The following TFCP2 variants were observed in gnomAD, a reference collection of about 807,000 sequenced individuals.
TFCP2 encodes transcription factor CP2, also known as alpha-globin transcription factor CP2.
In TFCP2, 33 loss-of-function variants were observed where a neutral mutation model predicts 73.4. That is an observed-to-expected ratio of 0.45 (90% confidence interval 0.34 to 0.60). The LOEUF (loss-of-function observed/expected upper bound fraction) is 0.60. Among genes scored for constraint, TFCP2 ranks in the 20% least tolerant of loss-of-function variants. The pLI is 0.01. For missense variants in TFCP2, 352 were observed against 604.0 expected (o/e 0.58, Z 4.37); for synonymous variants, 193 against 211.6 (o/e 0.91, Z 0.76).
intron 14 of TFCP2, 24 bp from the exon 15 acceptor site, chr12:51,095,302 GA>G (rs1566195546): frequency 6.2e-7 from 1 of 1,609,750 alleles, no homozygotes; most frequent in Non-Finnish European, 8.5e-7. Context: ...GAGAGAGAGA[GA>G]ATCATCTTTA....
At chr12:51,148,304 A>G (rs1401807898) in intron 1 of TFCP2, among the ~76,000 whole-genome samples, 1 of 152,224 alleles carries the variant, frequency 6.6e-6, no homozygotes, top group Non-Finnish European at 1.5e-5. Flanking sequence ...AGAGGAAAAG[A>G]AGTCATTATA....
rs1339598839 is a variant in TFCP2 at position 51,127,943 on chromosome 12, G to A, written c.123-9171C>T. 3.4e-5 allele frequency among the ~76,000 whole-genome samples: 5 copies of A among 147,696 alleles called. No individual in the cohort carries two copies. The East Asian group carries it at 5.9e-4, about 17-fold the overall frequency. ...TTCTTTTCTTTTTTTTTTTTGAGACGGAGTTTCACTCTGTTGTCCAAGAGG... is the reference window on the plus strand; with the variant it reads ...TTCTTTTCTTTTTTTTTTTTGAGACAGAGTTTCACTCTGTTGTCCAAGAGG... On this transcript the variant is annotated intron_variant, in intron 1 of 14. Transcript: ENST00000257915.
intron 1 of TFCP2, among the ~76,000 whole-genome samples, chr12:51,134,422 C>G (rs576906637): frequency 1.3e-5 from 2 of 152,126 alleles, no homozygotes; most frequent in Admixed American, 1.3e-4. Context: ...GTAGCTGGGA[C>G]TACAGGCATG....
At chr12:51,151,062 T>C (rs1279754568) in intron 1 of TFCP2, among the ~76,000 whole-genome samples, 3 of 152,216 alleles carry the variant, frequency 2.0e-5, no homozygotes, top group East Asian at 1.9e-4. Flanking sequence ...GCCTCTCTGA[T>C]AAAAAGACAT....
intron 1 of TFCP2, among the ~76,000 whole-genome samples, chr12:51,128,553 T>C (rs1368994698): frequency 1.3e-5 from 2 of 152,166 alleles, no homozygotes; most frequent in African/African-American, 4.8e-5. Context: ...CATTTTCCTT[T>C]TTTTATATGG....
chr12:51,101,292 G>A (rs902269698), intron 11 of TFCP2, among the ~76,000 whole-genome samples: 1 of 152,158 alleles, frequency 6.6e-6, no homozygotes. Flanking sequence ...GCGAAAGAGT[G>A]AGACTCTGTT....
At chr12:51,101,902 A>T in intron 11 of TFCP2, 33 bp downstream of exon 11, 4 of 1,423,018 alleles carry the variant, frequency 2.8e-6, no homozygotes, top group South Asian at 1.1e-5. Flanking sequence ...TTGGAATCCC[A>T]ACCTTATTGA....
At chr12:51,141,968 G>A (rs958296600) in intron 1 of TFCP2, among the ~76,000 whole-genome samples, 24 of 151,094 alleles carry the variant, frequency 1.6e-4, no homozygotes, top group Non-Finnish European at 5.9e-5. Flanking sequence ...AGTTTGGGAG[G>A]CCGAGGCGGG....
At chr12:51,097,293 G>A (rs908625878) in intron 13 of TFCP2, among the ~76,000 whole-genome samples, 3 of 151,654 alleles carry the variant, frequency 2.0e-5, no homozygotes, top group African/African-American at 7.3e-5. Flanking sequence ...CTGTCGCCTA[G>A]GCTGGAGTGC....
Position 51,172,803 on chromosome 12 carries a change from G to C in TFCP2, c.-381C>G, listed in dbSNP as rs977260856. 2 of 179,188 alleles carry C rather than the reference G, an allele frequency of 1.1e-5. No individual in the cohort carries two copies. Among genetic ancestry groups the C allele is most frequent in the Admixed American group, 1.1e-4 (2 of 17,884 alleles). The allele number at this position is 179,188 out of a possible 1,614,324, so 11.1% of individuals were successfully genotyped here. ...GCAGCAGCCGCAGGAAGCCAGCCCG[G>C]CGCTCCCACGCTGCTTTTGCACCTT... On this transcript the variant is annotated 5_prime_UTR_variant, in exon 1 of 15. Coordinates refer to ENST00000257915, the MANE Select transcript of TFCP2 (RefSeq NM_005653.5).
intron 1 of TFCP2, among the ~76,000 whole-genome samples, chr12:51,158,302 T>A (rs771626514): frequency 6.6e-6 from 1 of 152,140 alleles, no homozygotes; most frequent in Non-Finnish European, 1.5e-5. Context: ...TAAGCCACCA[T>A]GCCTGGCCTC....
At chr12:51,154,267 G>C (rs762491511) in intron 1 of TFCP2, among the ~76,000 whole-genome samples, 6 of 152,102 alleles carry the variant, frequency 3.9e-5, no homozygotes, top group Non-Finnish European at 8.8e-5. Flanking sequence ...GTGAAACCAG[G>C]GAGAGTATCA....
intron 13 of TFCP2, among the ~76,000 whole-genome samples, chr12:51,097,177 T>C (rs1010971790): frequency 1.3e-5 from 2 of 152,192 alleles, no homozygotes; most frequent in Non-Finnish European, 2.9e-5. Flanking sequence ...GTCAAACTCC[T>C]GACCTCAGGT....
chr12:51,122,190 T>C (rs778494161), intron 1 of TFCP2, among the ~76,000 whole-genome samples: 1 of 152,082 alleles, frequency 6.6e-6, no homozygotes, highest in Non-Finnish European at 1.5e-5. Context: ...AATGTTATTA[T>C]TTGAATCCAG....
chr12:51,156,303 G>A (rs1330377310), intron 1 of TFCP2, among the ~76,000 whole-genome samples: 1 of 151,444 alleles, frequency 6.6e-6, no homozygotes, highest in Non-Finnish European at 1.5e-5. Context: ...GGCAGAAGGT[G>A]AAGGAAGAGC....
chr12:51,119,542 G>A (rs1293783124), intron 1 of TFCP2, among the ~76,000 whole-genome samples: 1 of 152,010 alleles, frequency 6.6e-6, no homozygotes, highest in Non-Finnish European at 1.5e-5. Context: ...CCTGAGGTCC[G>A]GAGGTGGAAA....
At chr12:51,122,253 CTTTTTTTTTT>C (rs11347975) in intron 1 of TFCP2, among the ~76,000 whole-genome samples, 7 of 73,180 alleles carry the variant, frequency 9.6e-5, no homozygotes, top group Admixed American at 7.0e-4. Flanking sequence ...TTTTTCTTTT[CTTTTTTTTTT>C]TTTTTTTTTT....
At chr12:51,148,197 T>C (rs1456216069) in intron 1 of TFCP2, among the ~76,000 whole-genome samples, 1 of 152,146 alleles carries the variant, frequency 6.6e-6, no homozygotes, top group Admixed American at 6.5e-5. Flanking sequence ...GGAATGTAAA[T>C]AGTACAACCA....
chr12:51,146,917 C>T (rs1448086905), intron 1 of TFCP2, among the ~76,000 whole-genome samples: 2 of 152,170 alleles, frequency 1.3e-5, no homozygotes, highest in African/African-American at 2.4e-5. Flanking sequence ...CATATGGGAG[C>T]ATATGGTGAA....
Sources: allele counts gnomAD v4.1 joint callset (sites outside exome capture counted in the v4.1 genomes callset), GRCh38; gene constraint gnomAD v4.1.1; transcripts MANE v1.5; gene names NCBI Gene and HGNC (gene_info 2026-07-23, HGNC 2026-07-21).